The following FAM222B variants were observed in gnomAD, a reference collection of about 807,000 sequenced individuals.
FAM222B encodes the protein family with sequence similarity 222 member B.
FAM222B carries 12 observed loss-of-function variants against 38.0 expected under a neutral mutation model. The ratio of observed to expected loss-of-function variants is 0.32; its 90% CI spans 0.20 to 0.51. The LOEUF is 0.51. Among genes scored for constraint, FAM222B ranks in the 20% least tolerant of loss-of-function variants. FAM222B has a pLI of 0.97. For missense variants in FAM222B, 716 were observed against 754.2 expected, an observed-to-expected ratio of 0.95 and a Z score of 0.59; for synonymous variants, 329 against 317.2, an observed-to-expected ratio of 1.04 and a Z score of -0.40.
chr17:28,769,900 T>A (rs1234232778), intron 1 of FAM222B, among the ~76,000 whole-genome samples: 1 of 152,202 alleles, frequency 6.6e-6, no homozygotes, highest in Non-Finnish European at 1.5e-5. Flanking sequence ...TTTTTCTAGC[T>A]CCCTCACTTC....
intron 1 of FAM222B, among the ~76,000 whole-genome samples, chr17:28,842,430 G>C (rs918334141): frequency 1.3e-5 from 2 of 152,046 alleles, no homozygotes; most frequent in Non-Finnish European, 2.9e-5. Context: ...AAAGCTCCTG[G>C]AGGAAGGGAT....
Position 28,759,442 on chromosome 17 carries a change from G to A in FAM222B, c.517C>T (p.Gln173Ter). The A allele has an allele frequency of 6.3e-7, 1 of 1,575,724 alleles. No individual in the cohort carries two copies. ...GGTGGCGGGATACCCTGAGGGTGCT[G>A]CAGCGTCTGGGGAGGGGCATGGGCC... ...TLAHAPPQTL[Q>*]HPQGIPPPQA... The change falls in exon 3 of 3, where the codon CAG (glutamine) becomes TAG (stop). Residue 173 changes from glutamine to a stop codon, truncating the protein, a stop_gained. Coordinates refer to ENST00000581407, the MANE Select transcript of FAM222B (RefSeq NM_001077498.3). LOFTEE classifies it high-confidence loss of function. This position sits in a 1 kb window ranked among gnomAD's most constrained non-coding sequence, Gnocchi z 4.8.
intron 1 of FAM222B, among the ~76,000 whole-genome samples, chr17:28,798,752 A>G (rs2037064710): frequency 6.7e-6 from 1 of 149,416 alleles, no homozygotes; most frequent in Admixed American, 6.7e-5. Flanking sequence ...CTCCTGTCTC[A>G]GCCTCCTGAG....
intron 1 of FAM222B, among the ~76,000 whole-genome samples, chr17:28,791,748 T>TGA (rs2036699257): frequency 6.8e-6 from 1 of 146,332 alleles, no homozygotes; most frequent in Admixed American, 7.1e-5. Flanking sequence ...CAGCCTCCAC[T>TGA]TTCTGGGTTC....
At chr17:28,805,241 C>T (rs1388416597) in intron 1 of FAM222B, among the ~76,000 whole-genome samples, 1 of 151,986 alleles carries the variant, frequency 6.6e-6, no homozygotes, top group Non-Finnish European at 1.5e-5. Flanking sequence ...ACCTGTGGTC[C>T]TACCTACTCA....
At chr17:28,828,499 G>A (rs2038524452) in intron 1 of FAM222B, among the ~76,000 whole-genome samples, 1 of 151,282 alleles carries the variant, frequency 6.6e-6, no homozygotes, top group Admixed American at 6.6e-5. Flanking sequence ...GAGCCCAAAG[G>A]CATAGGTTGC....
chr17:28,785,838 G>A (rs1370951350), intron 1 of FAM222B, among the ~76,000 whole-genome samples: 1 of 152,130 alleles, frequency 6.6e-6, no homozygotes, highest in African/African-American at 2.4e-5. Context: ...CTCCCGAGTA[G>A]CTGGGACTAC....
chr17:28,824,739 C>A (rs1050522341), intron 1 of FAM222B, among the ~76,000 whole-genome samples: 6 of 152,148 alleles, frequency 3.9e-5, no homozygotes, highest in Non-Finnish European at 7.3e-5. Flanking sequence ...TTGATTCGTG[C>A]AAAGAGCCTT....
chr17:28,784,576 C>T (rs1215889845), intron 1 of FAM222B, among the ~76,000 whole-genome samples: 1 of 147,212 alleles, frequency 6.8e-6, no homozygotes, highest in African/African-American at 2.5e-5. Context: ...CGGTGGCTCA[C>T]GCCTGTAATC....
At chr17:28,822,020 A>C (rs1192316317) in intron 1 of FAM222B, among the ~76,000 whole-genome samples, 1 of 151,774 alleles carries the variant, frequency 6.6e-6, no homozygotes, top group Non-Finnish European at 1.5e-5. Flanking sequence ...AAAGATACTA[A>C]TTCAACAAAA....
At chr17:28,810,656 G>A (rs536147084) in intron 1 of FAM222B, among the ~76,000 whole-genome samples, 1 of 152,304 alleles carries the variant, frequency 6.6e-6, no homozygotes, top group African/African-American at 2.4e-5. Flanking sequence ...AACTCATGGA[G>A]CCTTAAGGGA....
chr17:28,817,818 G>A (rs1829920061), intron 1 of FAM222B, among the ~76,000 whole-genome samples: 1 of 152,108 alleles, frequency 6.6e-6, no homozygotes, highest in Non-Finnish European at 1.5e-5. Flanking sequence ...AGGACAGAAG[G>A]AGAATCATTC....
intron 1 of FAM222B, among the ~76,000 whole-genome samples, chr17:28,774,884 G>T (rs536954103): frequency 6.6e-6 from 1 of 151,958 alleles, no homozygotes; most frequent in East Asian, 1.9e-4. Context: ...GGAGGGTGCA[G>T]TGAGCTGAGA....
chr17:28,829,697 G>A (rs1455503509), intron 1 of FAM222B, among the ~76,000 whole-genome samples: 1 of 151,976 alleles, frequency 6.6e-6, no homozygotes, highest in African/African-American at 2.4e-5. Flanking sequence ...AGATACATTA[G>A]TTTGTTTATC....
chr17:28,828,690 A>AAAAATTC (rs1170545331), intron 1 of FAM222B, among the ~76,000 whole-genome samples: 1 of 152,206 alleles, frequency 6.6e-6, no homozygotes, highest in Non-Finnish European at 1.5e-5. Context: ...AAATTAAGCT[A>AAAAATTC]AAAATTCAAA....
chr17:28,772,927 T>C (rs1567809751), intron 1 of FAM222B, among the ~76,000 whole-genome samples: 1 of 151,982 alleles, frequency 6.6e-6, no homozygotes, highest in African/African-American at 2.4e-5. Flanking sequence ...AGCTAAACTA[T>C]GGCAAAGAGG....
In FAM222B at chr17:28,805,650, C is replaced by CA. The variant is rs941580738; in HGVS notation, c.-41+37031dup. On this transcript the variant is annotated intron_variant, in intron 1 of 2. Transcript: ENST00000581407. Reference sequence around the variant, plus strand: ...TGGATGACACAGTGAGAACCTGTCTCAAAAAAAAAAAGAAAGAAAGAGAAA... The same window carrying CA: ...TGGATGACACAGTGAGAACCTGTCTCAAAAAAAAAAAAGAAAGAAAGAGAAA... Among the ~76,000 whole-genome samples, 497 of 140,876 alleles carry CA rather than the reference C, an allele frequency of 3.5e-3. 3 individuals carry two copies. Among genetic ancestry groups the CA allele is most frequent in the African/African-American group, 0.011 (407 of 38,434 alleles). The allele number at this position is 140,876 out of a possible 152,430, so 92.4% of individuals were successfully genotyped here. A position where few individuals can be genotyped will look rare whatever the true frequency, so the allele number is the denominator to read the frequency against.
chr17:28,850,631 A>G lies in FAM222B; in HGVS notation c.-41+4319T>C, dbSNP rs563473329. On this transcript the variant is annotated intron_variant, in intron 1 of 2. Transcript: ENST00000577513. ...GAGTTTCTTTAGAATCCTTTGGTCA[A>G]CTGGGACCTTGATTTTGAAACAGTT... Among the ~76,000 whole-genome samples, 10 of 152,146 alleles carry G rather than the reference A, an allele frequency of 6.6e-5. No homozygotes were observed. The South Asian group carries it at 1.7e-3, about 25-fold the overall frequency.
chr17:28,771,619 T>G (rs1043406275), intron 1 of FAM222B, among the ~76,000 whole-genome samples: 1 of 152,040 alleles, frequency 6.6e-6, no homozygotes, highest in Non-Finnish European at 1.5e-5. Context: ...AGGCAGAGGT[T>G]GTCGTGAGCT....
Sources: allele counts gnomAD v4.1 joint callset (sites outside exome capture counted in the v4.1 genomes callset), GRCh38; gene constraint gnomAD v4.1.1; non-coding constraint Gnocchi (gnomAD v3.1); transcripts MANE v1.5; gene names NCBI Gene and HGNC (gene_info 2026-07-23, HGNC 2026-07-21).